The following WWOX variants were observed in gnomAD, a reference collection of about 807,000 sequenced individuals.
WWOX encodes the protein WW domain-containing oxidoreductase.
In WWOX, 69 loss-of-function variants were observed where a neutral mutation model predicts 46.2. That is an observed-to-expected ratio of 1.49 (90% CI 1.23 to 1.82). WWOX has a LOEUF of 1.82. Ranked by LOEUF, WWOX falls within the 40% of genes most tolerant of loss-of-function variation. WWOX has a pLI of 0.00. For synonymous variants in WWOX, 359 were observed against 202.6 expected, an observed-to-expected ratio of 1.77 and a Z score of -6.56; for missense variants, 919 against 542.6, an observed-to-expected ratio of 1.69 and a Z score of -6.89.
chr16:78,940,083 G>C (rs2045821453), intron 8 of WWOX, among the ~76,000 whole-genome samples: 1 of 152,162 alleles, frequency 6.6e-6, no homozygotes, highest in African/African-American at 2.4e-5. Context: ...AAATGCATTT[G>C]AGGTGGTCAT....
At chr16:79,135,723 GT>G (rs1279691628) in intron 8 of WWOX, among the ~76,000 whole-genome samples, 1 of 152,078 alleles carries the variant, frequency 6.6e-6, no homozygotes, top group African/African-American at 2.4e-5. Flanking sequence ...CTGATTTGGA[GT>G]ATTACCATTT....
At chr16:78,690,868 T>G (rs558855596) in intron 8 of WWOX, among the ~76,000 whole-genome samples, 1 of 152,330 alleles carries the variant, frequency 6.6e-6, no homozygotes, top group Non-Finnish European at 1.5e-5. Flanking sequence ...ATGTTGTCTC[T>G]TAGCACCGTA....
intron 8 of WWOX, among the ~76,000 whole-genome samples, chr16:78,964,484 C>T (rs1392084019): frequency 1.3e-5 from 2 of 152,098 alleles, no homozygotes; most frequent in African/African-American, 2.4e-5. Context: ...GGGTATCTGG[C>T]CGAAGAAATT....
intron 8 of WWOX, among the ~76,000 whole-genome samples, chr16:79,102,202 T>C (rs935176934): frequency 6.6e-6 from 1 of 152,078 alleles, no homozygotes; most frequent in African/African-American, 2.4e-5. Flanking sequence ...TTCTCAATCT[T>C]TCTGAAAGAT....
chr16:78,438,335 T>TTGC (rs1233901803), intron 8 of WWOX, among the ~76,000 whole-genome samples: 1 of 152,174 alleles, frequency 6.6e-6, no homozygotes, highest in African/African-American at 2.4e-5. Flanking sequence ...GCAGCTGCAT[T>TTGC]TGCTTTGTCC....
intron 8 of WWOX, among the ~76,000 whole-genome samples, chr16:78,673,365 C>T (rs1050679545): frequency 1.3e-5 from 2 of 152,208 alleles, no homozygotes; most frequent in South Asian, 4.1e-4. Flanking sequence ...CTCTTCGCCT[C>T]TCTAACACCA....
intron 8 of WWOX, among the ~76,000 whole-genome samples, chr16:78,631,219 C>G (rs902974481): frequency 2.0e-5 from 3 of 152,158 alleles, no homozygotes. Context: ...GTACAAATCA[C>G]ATTTAGGAGT....
intron 8 of WWOX, among the ~76,000 whole-genome samples, chr16:79,075,227 G>A (rs562101222): frequency 6.6e-6 from 1 of 152,152 alleles, no homozygotes; most frequent in East Asian, 1.9e-4. Context: ...TCAGCCCTAA[G>A]TTTGAAAACT....
intron 6 of WWOX, among the ~76,000 whole-genome samples, chr16:78,418,369 G>GAAA (rs60427100): frequency 7.8e-6 from 1 of 127,636 alleles, no homozygotes; most frequent in Non-Finnish European, 1.7e-5. Flanking sequence ...CTCCATCTCA[G>GAAA]AAAAAAAAAA....
chr16:79,207,407 G>A (rs866067310), intron 8 of WWOX, among the ~76,000 whole-genome samples: 12 of 152,204 alleles, frequency 7.9e-5, no homozygotes, highest in South Asian at 2.1e-4. Context: ...GAACACTGCC[G>A]TCTTCAAAAG....
chr16:78,691,392 A>AC, intron 8 of WWOX: 1 of 664,700 alleles, frequency 1.5e-6, no homozygotes, highest in Non-Finnish European at 2.7e-6. Flanking sequence ...AAGTTGGCCT[A>AC]CAGGGTGCTT....
At chr16:78,422,684 TAC>T (rs1199317546) in intron 6 of WWOX, among the ~76,000 whole-genome samples, 20 of 52,958 alleles carry the variant, frequency 3.8e-4, no homozygotes, top group South Asian at 2.1e-3. Context: ...TATATATATA[TAC>T]ACACACACAC....
At chr16:78,766,063 T>G (rs1029848971) in intron 8 of WWOX, among the ~76,000 whole-genome samples, 1 of 152,202 alleles carries the variant, frequency 6.6e-6, no homozygotes, top group Non-Finnish European at 1.5e-5. Context: ...ACATGAGCAG[T>G]TCCAAAGGAG....
chr16:78,435,883 G>C (rs1442414693), intron 8 of WWOX, among the ~76,000 whole-genome samples: 1 of 152,168 alleles, frequency 6.6e-6, no homozygotes, highest in Non-Finnish European at 1.5e-5. Context: ...CATCAATAAT[G>C]ATGGATATAG....
At chr16:78,711,310 T>C (rs2048440046) in intron 8 of WWOX, among the ~76,000 whole-genome samples, 1 of 152,238 alleles carries the variant, frequency 6.6e-6, no homozygotes, top group South Asian at 2.1e-4. Flanking sequence ...CATTTACTAT[T>C]TCTATGGTTT....
intron 5 of WWOX, among the ~76,000 whole-genome samples, chr16:78,292,461 A>G (rs1774238133): frequency 6.6e-6 from 1 of 152,220 alleles, no homozygotes; most frequent in African/African-American, 2.4e-5. Flanking sequence ...TGGTAACAAC[A>G]CAGCAATTTT....
intron 8 of WWOX, among the ~76,000 whole-genome samples, chr16:78,732,361 C>T (rs912845245): frequency 3.9e-5 from 6 of 151,990 alleles, no homozygotes; most frequent in Admixed American, 6.6e-5. Context: ...GTAGGAAGAC[C>T]GTGAGAGGCC....
intron 8 of WWOX, among the ~76,000 whole-genome samples, chr16:78,575,022 A>ATATAT (rs2044824547): frequency 1.4e-4 from 2 of 13,998 alleles, no homozygotes; most frequent in Non-Finnish European, 2.8e-4. Flanking sequence ...TATATATATA[A>ATATAT]ATATATATAT....
chr16:78,628,423 G>A (rs115838815), intron 8 of WWOX, among the ~76,000 whole-genome samples: 2,325 of 152,226 alleles, frequency 0.015, 57 homozygotes, highest in African/African-American at 0.052. Flanking sequence ...GGGATTGTGG[G>A]TGCCGAGAAT....
Sources: gnomAD v4.1 joint callset for allele counts (sites outside exome capture counted in the v4.1 genomes callset) on GRCh38, gnomAD v4.1.1 for gene constraint, MANE v1.5 for transcripts, NCBI Gene and HGNC (gene_info 2026-07-23, HGNC 2026-07-21) for gene names.